The following DYRK2 variants were observed in gnomAD, a reference collection of about 807,000 sequenced individuals.
The protein encoded by DYRK2 is dual specificity tyrosine-phosphorylation-regulated kinase 2.
Under a neutral mutation model 41.6 loss-of-function variants are expected in DYRK2, and 12 were observed. The observed-to-expected ratio is 0.29, with a 90% CI of 0.18 to 0.47. The LOEUF is 0.47. Ranked by LOEUF, DYRK2 falls within the 20% of genes least tolerant of loss-of-function variation. DYRK2 has a pLI of 1.00. For missense variants in DYRK2, 678 were observed against 798.4 expected (o/e 0.85, Z 1.82); for synonymous variants, 322 against 315.7 (o/e 1.02, Z -0.21).
intron 2 of DYRK2, among the ~76,000 whole-genome samples, chr12:67,654,937 G>A (rs1047093474): frequency 2.6e-5 from 4 of 152,134 alleles, no homozygotes; most frequent in Non-Finnish European, 5.9e-5. Flanking sequence ...GGTTATGGGA[G>A]TAAGAAGCCA....
In DYRK2 at chr12:67,657,044, C is replaced by G; in HGVS notation, c.199-62C>G. ...GGGGCGGTGGTGTTGTTGGGGGTTA[C>G]TTATACACCATTTGAACAGACACCA... is the stretch of plus-strand genomic sequence containing the variant. On this transcript the variant is annotated intron_variant, in intron 2 of 2. Coordinates refer to ENST00000344096, the MANE Select transcript of DYRK2 (RefSeq NM_006482.3). The surrounding 1 kb of genome is among the most constrained non-coding windows in gnomAD (Gnocchi z 4.8). 1 of 1,497,774 alleles carries G rather than the reference C, an allele frequency of 6.7e-7. No homozygotes were observed. The highest frequency in any genetic ancestry group is 1.4e-5 in the South Asian group (1 of 72,552). 92.8% of individuals were successfully genotyped at this position (1,497,774 alleles called of 1,614,324 possible).
At position 67,658,628 on chromosome 12, in the gene DYRK2, C is replaced by T; in HGVS notation, c.1721C>T (p.Ser574Phe). Residue 574 changes from serine to phenylalanine, a missense_variant, in exon 3 of 3, where the codon TCC becomes TTC. Physicochemically the swap from Ser to Phe is radical, Grantham distance 155 (BLOSUM62 -2). This residue lies in a region of DYRK2 where 393 missense variants were observed against 519.1 expected (regional missense o/e 0.76). Transcript: ENST00000344096. The surrounding 1 kb of genome is among the most constrained non-coding windows in gnomAD (Gnocchi z 4.3). ...TTACCTCCACCTTCTAGCTCAGCTT[C>T]CAAACTGAGGACTAATTTGGCGCAG... ...SKLPPPSSSA[S>F]KLRTNLAQMT... The T allele has an allele frequency of 6.2e-7, 1 of 1,614,178 alleles. No individual in the cohort carries two copies. Among genetic ancestry groups the T allele is most frequent in the Non-Finnish European group, 8.5e-7 (1 of 1,180,028 alleles).
chr12:67,657,025 G>A lies in DYRK2; in HGVS notation c.199-81G>A. On this transcript the variant is annotated intron_variant, in intron 2 of 2. Transcript: ENST00000344096. The surrounding 1 kb of genome is among the most constrained non-coding windows in gnomAD (Gnocchi z 4.8). ...TTTTGTAAATGTGAGGTTGGGGGCG[G>A]TGGTGTTGTTGGGGGTTACTTATAC... 1 of 1,378,202 alleles carries A rather than the reference G, an allele frequency of 7.3e-7. No homozygotes were observed. Among genetic ancestry groups the A allele is most frequent in the Non-Finnish European group, 9.6e-7 (1 of 1,036,326 alleles). The allele number at this position is 1,378,202 out of a possible 1,614,324, so 85.4% of individuals were successfully genotyped here.
At chr12:67,655,047 T>C (rs576382786) in intron 2 of DYRK2, among the ~76,000 whole-genome samples, 3 of 152,326 alleles carry the variant, frequency 2.0e-5, no homozygotes, top group South Asian at 2.1e-4. Context: ...GTTGGAGATA[T>C]AGAAGATGGT....
Position 67,663,369 on chromosome 12 carries a change from T to C in DYRK2, c.*4656T>C, listed in dbSNP as rs1200425906. The C allele has an allele frequency of 6.6e-6, 1 of 152,164 alleles. No homozygotes were observed. The highest frequency in any genetic ancestry group is 2.4e-5 in the African/African-American group (1 of 41,446). The allele number at this position is 152,164 out of a possible 1,614,324, so 9.4% of individuals were successfully genotyped here. On this transcript the variant is annotated 3_prime_UTR_variant, in exon 3 of 3. Coordinates refer to ENST00000344096, the MANE Select transcript of DYRK2 (RefSeq NM_006482.3). Reference sequence around the variant, plus strand: ...TGCAGGGATATTGTGTAGTCAGATATTACCCTCTTGTGGAAAGAACTACCT... The same window carrying C: ...TGCAGGGATATTGTGTAGTCAGATACTACCCTCTTGTGGAAAGAACTACCT...
Position 67,660,747 on chromosome 12 carries a change from T to C in DYRK2, c.*2034T>C, listed in dbSNP as rs1300155160. On this transcript the variant is annotated 3_prime_UTR_variant, in exon 3 of 3. Transcript: ENST00000344096. ...TTAAAGGCATGAGAAGTATAAGACT[T>C]GGTTTGGTGGCTTTGTAAGACCACC... 2 of 167,076 alleles carry C rather than the reference T, an allele frequency of 1.2e-5. No homozygotes were observed. Among genetic ancestry groups the C allele is most frequent in the African/African-American group, 4.8e-5 (2 of 41,468 alleles). The allele number at this position is 167,076 out of a possible 1,614,324, so 10.3% of individuals were successfully genotyped here. A position where few individuals can be genotyped will look rare whatever the true frequency, so the allele number is the denominator to read the frequency against.
chr12:67,658,499 G>A lies in DYRK2; in HGVS notation c.1592G>A (p.Arg531Gln), dbSNP rs773264334. Residue 531 changes from arginine (R) to glutamine (Q), a missense_variant, in exon 3 of 3, where the codon CGG becomes CAG. Physicochemically the swap from Arg to Gln is conservative, Grantham distance 43 (BLOSUM62 1). Coordinates refer to ENST00000344096, the MANE Select transcript of DYRK2 (RefSeq NM_006482.3). The surrounding 1 kb of genome is among the most constrained non-coding windows in gnomAD (Gnocchi z 4.3). ...CGCATGACCCCAGGCCAGGCTTTGCGGCACCCCTGGCTGAGGAGGCGGTTG... is the reference window on the plus strand; with the variant it reads ...CGCATGACCCCAGGCCAGGCTTTGCAGCACCCCTGGCTGAGGAGGCGGTTG... Reference protein sequence around the residue: ...AVRMTPGQALRHPWLRRRLPK... With the variant: ...AVRMTPGQALQHPWLRRRLPK... 36 of 1,610,480 alleles carry A rather than the reference G, an allele frequency of 2.2e-5. No homozygotes were observed. The highest frequency in any genetic ancestry group is 1.7e-4 in the Middle Eastern group (1 of 6,044).
At chr12:67,652,805 G>A (rs12307460) in intron 2 of DYRK2, 36,290 of 152,112 alleles carry the variant, frequency 0.24, 4,461 homozygotes, top group East Asian at 0.41. Flanking sequence ...TTTAACAATT[G>A]TATTATGTTT....
rs955697122 is a variant in DYRK2, at chr12:67,659,415, T to C, written c.*702T>C. 2 of 167,112 alleles carry C rather than the reference T, an allele frequency of 1.2e-5. No individual in the cohort carries two copies. Among genetic ancestry groups the C allele is most frequent in the African/African-American group, 4.8e-5 (2 of 41,470 alleles). 10.4% of individuals were successfully genotyped at this position (167,112 alleles called of 1,614,324 possible). On this transcript the variant is annotated 3_prime_UTR_variant, in exon 3 of 3. Transcript: ENST00000344096. Reference sequence around the variant, plus strand: ...TTTCTAGTATGATCGGTGAGCTGTTTTGTAAAGAAGCCTCATATTACAGAG... The same window carrying C: ...TTTCTAGTATGATCGGTGAGCTGTTCTGTAAAGAAGCCTCATATTACAGAG...
Position 67,658,828 on chromosome 12 carries a change from A to G in DYRK2, c.*115A>G, listed in dbSNP as rs1234910280. The G allele has an allele frequency of 5.2e-6, 6 of 1,163,904 alleles. No individual in the cohort carries two copies. Among genetic ancestry groups the G allele is most frequent in the Non-Finnish European group, 6.0e-6 (5 of 839,350 alleles). 72.1% of individuals were successfully genotyped at this position (1,163,904 alleles called of 1,614,324 possible). On this transcript the variant is annotated 3_prime_UTR_variant, in exon 3 of 3. Coordinates refer to ENST00000344096, the MANE Select transcript of DYRK2 (RefSeq NM_006482.3). The surrounding 1 kb of genome is among the most constrained non-coding windows in gnomAD (Gnocchi z 4.3). ...TTGCTCAATAACTCTACTCATTTGT[A>G]TCTTTTCAGCACTTAATTTTAATGT...
chr12:67,655,110 A>T (rs187692946), intron 2 of DYRK2, among the ~76,000 whole-genome samples: 6 of 152,322 alleles, frequency 3.9e-5, no homozygotes, highest in Non-Finnish European at 7.4e-5. Flanking sequence ...GTGATCATGT[A>T]TTAAATTATG....
At position 67,658,636 on chromosome 12, in the gene DYRK2, A is replaced by C. The variant is rs764940972; in HGVS notation, c.1729A>C (p.Arg577=). 9 of 1,614,028 alleles carry C rather than the reference A, an allele frequency of 5.6e-6. No individual in the cohort carries two copies. Among genetic ancestry groups the C allele is most frequent in the Non-Finnish European group, 7.6e-6 (9 of 1,180,024 alleles). The stretch of plus-strand genomic sequence containing the variant: ...ACCTTCTAGCTCAGCTTCCAAACTG[A>C]GGACTAATTTGGCGCAGATGACAGA... ...PPPSSSASKL[R]TNLAQMTDAN... The change falls in exon 3 of 3, where the codon AGG becomes CGG. Residue 577 remains arginine, a synonymous_variant. Transcript: ENST00000344096. This position sits in a 1 kb window ranked among gnomAD's most constrained non-coding sequence, Gnocchi z 4.3.
rs374702499 is a variant in DYRK2, at chr12:67,657,807, G to A, written c.900G>A (p.Thr300=). The A allele has an allele frequency of 9.3e-6, 15 of 1,614,088 alleles. No homozygotes were observed. Among genetic ancestry groups the A allele is most frequent in the African/African-American group, 6.7e-5 (5 of 74,916 alleles). Residue 300 remains threonine (T), a synonymous_variant, in exon 3 of 3, where the codon ACG becomes ACA. Transcript: ENST00000344096. The surrounding 1 kb of genome is among the most constrained non-coding windows in gnomAD (Gnocchi z 4.8). The part of the protein sequence containing the change: ...NFTFRNHICM[T]FELLSMNLYE... ...CCTTCCGCAACCACATCTGCATGAC[G>A]TTTGAGCTGCTGAGCATGAACCTCT...
intron 2 of DYRK2, chr12:67,651,531 G>A (rs748718806): frequency 4.0e-5 from 18 of 451,998 alleles, no homozygotes; most frequent in Middle Eastern, 3.3e-4. Flanking sequence ...GGAAGGATGC[G>A]AATGTGCTTC....
rs1872696339 is a variant in DYRK2 at position 67,664,389 on chromosome 12, G to A, written c.*5676G>A. 1 of 152,120 alleles carries A rather than the reference G, an allele frequency of 6.6e-6. No individual in the cohort carries two copies. The allele number at this position is 152,120 out of a possible 1,614,324, so 9.4% of individuals were successfully genotyped here. On this transcript the variant is annotated 3_prime_UTR_variant, in exon 3 of 3. Transcript: ENST00000344096. ...GGAGTATTAAGTCATCTGTCGTTAA[G>A]GAGCAGCAAGAATATATTATGATTG...
chr12:67,649,653 C>T, intron 1 of DYRK2, 144 bp from the exon 2 acceptor site: 2 of 963,452 alleles, frequency 2.1e-6, no homozygotes, highest in Non-Finnish European at 2.7e-6. Context: ...AGCCGTGACC[C>T]GAACGCCCGT....
At position 67,660,934 on chromosome 12, in the gene DYRK2, C is replaced by T. The variant is rs957362347; in HGVS notation, c.*2221C>T. ...CATTATTAATTTCCCTATAAAATGACGATACATGTGAACATTTATAAATGG... is the reference window on the plus strand; with the variant it reads ...CATTATTAATTTCCCTATAAAATGATGATACATGTGAACATTTATAAATGG... On this transcript the variant is annotated 3_prime_UTR_variant, in exon 3 of 3. Coordinates refer to ENST00000344096, the MANE Select transcript of DYRK2 (RefSeq NM_006482.3). 3.0e-5 allele frequency: 5 copies of T among 166,960 alleles called. No homozygotes were observed. The highest frequency in any genetic ancestry group is 6.5e-5 in the Admixed American group (1 of 15,276). 10.3% of individuals were successfully genotyped at this position (166,960 alleles called of 1,614,324 possible).
rs1247519517 is a variant in DYRK2 at position 67,657,649 on chromosome 12, G to A, written c.742G>A (p.Val248Met). 6.8e-6 allele frequency: 11 copies of A among 1,613,870 alleles called. No individual in the cohort carries two copies. Among genetic ancestry groups the A allele is most frequent in the East Asian group, 2.2e-5 (1 of 44,876 alleles). ...KAYDHKVHQH[V>M]ALKMVRNEKR... Reference sequence around the variant, plus strand: ...CTACGATCACAAAGTCCACCAGCACGTGGCCCTAAAGATGGTGCGGAATGA... The same window carrying A: ...CTACGATCACAAAGTCCACCAGCACATGGCCCTAAAGATGGTGCGGAATGA... Residue 248 changes from valine to methionine, a missense_variant, in exon 3 of 3, where the codon GTG (valine) becomes ATG (methionine). Coordinates refer to ENST00000344096, the MANE Select transcript of DYRK2 (RefSeq NM_006482.3). The surrounding 1 kb of genome is among the most constrained non-coding windows in gnomAD (Gnocchi z 4.8).
chr12:67,652,587 A>G (rs1872351572), intron 2 of DYRK2: 2 of 152,142 alleles, frequency 1.3e-5, no homozygotes, highest in Non-Finnish European at 2.9e-5. Flanking sequence ...ACTATACAGC[A>G]TTTCTAAGAT....
Sources: gnomAD v4.1 joint callset for allele counts (sites outside exome capture counted in the v4.1 genomes callset) on GRCh38, gnomAD v4.1.1 for gene constraint, gnomAD v4.1.1 regional missense constraint, Gnocchi (gnomAD v3.1) non-coding constraint, MANE v1.5 for transcripts, NCBI Gene and HGNC (gene_info 2026-07-23, HGNC 2026-07-21) for gene names.